TMEM245: variants seen among roughly 807,000 people sequenced by gnomAD.
TMEM245 encodes the protein protein CG-2.
A neutral mutation model predicts 101.2 loss-of-function variants in TMEM245; 69 were observed. The observed-to-expected ratio is 0.68, with a 90% CI of 0.56 to 0.83. The LOEUF is 0.83. Among genes scored for constraint, TMEM245 ranks in the 40% least tolerant of loss-of-function variants. The pLI is 0.00. For missense variants in TMEM245, 1,075 were observed against 1,092.8 expected, an observed-to-expected ratio of 0.98 and a Z score of 0.23; for synonymous variants, 537 against 449.8, an observed-to-expected ratio of 1.19 and a Z score of -2.45.
At chr9:109,049,939 G>A (rs1041326620) in intron 14 of TMEM245, among the ~76,000 whole-genome samples, 1 of 152,142 alleles carries the variant, frequency 6.6e-6, no homozygotes, top group Non-Finnish European at 1.5e-5. Context: ...ACAGGTGCAT[G>A]CCACCAAGCC....
At chr9:109,080,425 T>C (rs1456943797) in intron 8 of TMEM245, among the ~76,000 whole-genome samples, 2 of 152,148 alleles carry the variant, frequency 1.3e-5, no homozygotes, top group Middle Eastern at 3.4e-3. Context: ...AAAGGTGCTA[T>C]GGTATATATC....
At chr9:109,085,944 CA>C in intron 7 of TMEM245, 52 bp downstream of exon 7, 1 of 1,586,438 alleles carries the variant, frequency 6.3e-7, no homozygotes. Flanking sequence ...AAAGGCGATA[CA>C]GGGGCATTAC....
At chr9:109,030,673 A>T (rs1827918645) in intron 17 of TMEM245, among the ~76,000 whole-genome samples, 1 of 152,194 alleles carries the variant, frequency 6.6e-6, no homozygotes, top group Non-Finnish European at 1.5e-5. Context: ...AAAGGATATC[A>T]TAGTGTCACC....
At position 109,015,377 on chromosome 9, in the gene TMEM245, A is replaced by G. The variant is rs576426508; in HGVS notation, c.*5083T>C. The G allele has an allele frequency of 3.3e-5, 5 of 152,332 alleles. No individual in the cohort carries two copies. Among genetic ancestry groups the G allele is most frequent in the African/African-American group, 1.2e-4 (5 of 41,578 alleles). 9.4% of individuals were successfully genotyped at this position (152,332 alleles called of 1,614,324 possible). On this transcript the variant is annotated 3_prime_UTR_variant, in exon 18 of 18. Transcript: ENST00000374586. ...GAGTTATGTAAGCAATTACAACTCT[A>G]TATCAAATCTTAGTTCAAAATCAAA...
At chr9:109,095,651 G>T (rs1830121349) in intron 3 of TMEM245, among the ~76,000 whole-genome samples, 1 of 152,192 alleles carries the variant, frequency 6.6e-6, no homozygotes, top group Non-Finnish European at 1.5e-5. Flanking sequence ...CAGGATAGTA[G>T]TCTTCTTCTC....
intron 17 of TMEM245, among the ~76,000 whole-genome samples, 197 bp downstream of exon 17, chr9:109,033,108 GTT>G (rs749441733): frequency 2.6e-5 from 4 of 152,058 alleles, no homozygotes; most frequent in Non-Finnish European, 4.4e-5. Flanking sequence ...CCCAATATAG[GTT>G]TTAAATTTTC....
intron 1 of TMEM245, among the ~76,000 whole-genome samples, chr9:109,116,875 T>C (rs1159933506): frequency 1.3e-5 from 2 of 152,204 alleles, no homozygotes; most frequent in East Asian, 3.9e-4. Flanking sequence ...TCTTCTCAAG[T>C]ACACCTCACC....
chr9:109,095,160 C>G (rs10816769), intron 3 of TMEM245, among the ~76,000 whole-genome samples: 73,727 of 151,944 alleles, frequency 0.49, 18,134 homozygotes, highest in Admixed American at 0.56. Context: ...AGAGGAAAGC[C>G]TAAGTTAGAT....
chr9:109,099,225 T>G (rs1465468404), intron 3 of TMEM245, among the ~76,000 whole-genome samples: 1 of 152,178 alleles, frequency 6.6e-6, no homozygotes, highest in Admixed American at 6.5e-5. Context: ...GGCCTGGAGA[T>G]GGACCAGTAG....
intron 14 of TMEM245, 47 bp downstream of exon 14, chr9:109,050,235 GA>G (rs1203101223): frequency 3.7e-6 from 6 of 1,604,624 alleles, no homozygotes; most frequent in East Asian, 2.2e-5. Flanking sequence ...GCTTATCATG[GA>G]AAAAAAGTTC....
chr9:109,056,398 A>G (rs1349441127), intron 12 of TMEM245, among the ~76,000 whole-genome samples: 3 of 143,780 alleles, frequency 2.1e-5, no homozygotes, highest in Non-Finnish European at 4.5e-5. Context: ...GTTCAAGACC[A>G]GCTTGGGCCA....
At chr9:109,115,513 A>G (rs1364043815) in intron 1 of TMEM245, among the ~76,000 whole-genome samples, 1 of 145,694 alleles carries the variant, frequency 6.9e-6, no homozygotes, top group Non-Finnish European at 1.5e-5. Context: ...TTTTCCTAGT[A>G]ACTGGAATCT....
rs548478822 is a variant in TMEM245, at chr9:109,036,292, C to G, written c.2313G>C (p.Gly771=). Reference sequence around the variant, plus strand: ...ACAGTAAAATGGCCTTGCATCCTAACCCTTGTGTCAGCCACAGGTCAAGAA... The same window carrying G: ...ACAGTAAAATGGCCTTGCATCCTAAGCCTTGTGTCAGCCACAGGTCAAGAA... ...PAVLDLWLTQ[G]LGCKAILLLI... is the part of the protein sequence containing the mutation. Residue 771 remains glycine (G), a synonymous_variant, in exon 16 of 18, where the codon GGG becomes GGC. Coordinates refer to ENST00000374586, the MANE Select transcript of TMEM245 (RefSeq NM_032012.4). The G allele has an allele frequency of 1.2e-6, 2 of 1,613,942 alleles. No individual in the cohort carries two copies. Among genetic ancestry groups the G allele is most frequent in the East Asian group, 4.5e-5 (2 of 44,866 alleles).
chr9:109,064,533 G>A lies in TMEM245; in HGVS notation c.1567C>T (p.Leu523=). 1.2e-6 allele frequency: 2 copies of A among 1,613,836 alleles called. No homozygotes were observed. Among genetic ancestry groups the A allele is most frequent in the South Asian group, 2.2e-5 (2 of 91,066 alleles). Residue 523 remains leucine, a synonymous_variant, in exon 10 of 18, where the codon CTG becomes TTG. Transcript: ENST00000374586. ...TACACGTTGTTAGCCGCAGAATTCA[G>A]GGCTCTTTGGACTACCTGAGCCTCA... ...LPEAQVVQRA[L]NSAANNVYQY...
At chr9:109,047,107 A>G (rs992821439) in intron 14 of TMEM245, among the ~76,000 whole-genome samples, 1 of 152,208 alleles carries the variant, frequency 6.6e-6, no homozygotes, top group Non-Finnish European at 1.5e-5. Context: ...AGTCTGTACC[A>G]TATTTATCAG....
chr9:109,113,675 ACT>A (rs774740649), intron 1 of TMEM245, among the ~76,000 whole-genome samples: 1 of 152,136 alleles, frequency 6.6e-6, no homozygotes, highest in Non-Finnish European at 1.5e-5. Flanking sequence ...TTAAGTAGAG[ACT>A]CTGCCTTTTC....
intron 11 of TMEM245, 84 bp downstream of exon 11, chr9:109,060,270 T>C: frequency 1.0e-6 from 1 of 972,606 alleles, no homozygotes; most frequent in Non-Finnish European, 1.5e-6. Context: ...GAAATCCCAC[T>C]GTGAATATAA....
chr9:109,023,292 G>A (rs551439873), intron 17 of TMEM245, among the ~76,000 whole-genome samples: 1 of 152,224 alleles, frequency 6.6e-6, no homozygotes, highest in East Asian at 1.9e-4. Context: ...ATTATCTCCA[G>A]GAAAACAATA....
At chr9:109,051,054 G>A (rs911656902) in intron 12 of TMEM245, among the ~76,000 whole-genome samples, 6 of 152,022 alleles carry the variant, frequency 3.9e-5, no homozygotes. Context: ...ACTTTGGGAG[G>A]CTGAGGCGGG....
Sources: gnomAD v4.1 joint callset for allele counts (sites outside exome capture counted in the v4.1 genomes callset) on GRCh38, gnomAD v4.1.1 for gene constraint, MANE v1.5 for transcripts, NCBI Gene and HGNC (gene_info 2026-07-23, HGNC 2026-07-21) for gene names.